Variants in ZCCHC2 observed in about 807,000 individuals in gnomAD.
ZCCHC2 encodes zinc finger CCHC-type containing 2.
ZCCHC2 carries 39 observed loss-of-function variants against 103.6 expected under a neutral mutation model. The observed-to-expected ratio is 0.38, with a 90% CI of 0.29 to 0.49. The LOEUF (loss-of-function observed/expected upper bound fraction) is 0.49. Ranked by LOEUF, ZCCHC2 falls within the 20% of genes least tolerant of loss-of-function variation. The pLI is 0.96. For synonymous variants in ZCCHC2, 687 were observed against 608.9 expected, an observed-to-expected ratio of 1.13 and a Z score of -1.89; for missense variants, 1,483 against 1,491.0, an observed-to-expected ratio of 0.99 and a Z score of 0.09.
intron 4 of ZCCHC2, 100 bp from the exon 5 acceptor site, chr18:62,550,248 G>C: frequency 1.2e-6 from 1 of 854,270 alleles, no homozygotes; most frequent in Middle Eastern, 2.5e-4. Flanking sequence ...GGAAAATAAT[G>C]AGCAGGAGGC....
In ZCCHC2 at chr18:62,529,573, A is replaced by G. The variant is rs144211708; in HGVS notation, c.939+5210A>G. Among the ~76,000 whole-genome samples, 793 of 152,328 alleles carry G rather than the reference A, an allele frequency of 5.2e-3. 35 individuals are homozygous for G. The highest frequency in any genetic ancestry group is 0.047 in the Admixed American group (721 of 15,296). Reference sequence around the variant, plus strand: ...AAGAATAAAAGCAGTTCAGTTATAAAAGCCATTTGGAAGAGACTTTTTAGA... The same window carrying G: ...AAGAATAAAAGCAGTTCAGTTATAAGAGCCATTTGGAAGAGACTTTTTAGA... On this transcript the variant is annotated intron_variant, in intron 1 of 13. Coordinates refer to ENST00000269499, the MANE Select transcript of ZCCHC2 (RefSeq NM_017742.6).
At chr18:62,539,820 G>A in intron 2 of ZCCHC2, 28 bp downstream of exon 2, 1 of 1,527,106 alleles carries the variant, frequency 6.5e-7, no homozygotes, top group Non-Finnish European at 9.0e-7. Context: ...TAAACTTAAA[G>A]CATTAATACA....
At chr18:62,544,061 G>A (rs1279722559) in intron 3 of ZCCHC2, among the ~76,000 whole-genome samples, 1 of 152,178 alleles carries the variant, frequency 6.6e-6, no homozygotes, top group African/African-American at 2.4e-5. Flanking sequence ...CTAGACAGTA[G>A]CATAGTGCAA....
chr18:62,524,524 C>T (rs984445395), intron 1 of ZCCHC2, 161 bp downstream of exon 1: 8 of 1,186,522 alleles, frequency 6.7e-6, no homozygotes, highest in Non-Finnish European at 8.9e-6. Flanking sequence ...AGCTTCGTCT[C>T]GCTGGGCCGC....
chr18:62,531,148 G>A (rs143736747), intron 1 of ZCCHC2, among the ~76,000 whole-genome samples: 1 of 152,072 alleles, frequency 6.6e-6, no homozygotes, highest in East Asian at 1.9e-4. Context: ...TCGTTATGGA[G>A]GACTGTGTGT....
intron 11 of ZCCHC2, among the ~76,000 whole-genome samples, chr18:62,567,500 C>T (rs1916416532): frequency 6.6e-6 from 1 of 152,218 alleles, no homozygotes; most frequent in South Asian, 2.1e-4. Context: ...ACAAAGATCG[C>T]TCCCAGCCCT....
downstream of ZCCHC2, among the ~76,000 whole-genome samples, chr18:62,582,181 T>G (rs1194822619): frequency 6.6e-6 from 1 of 152,060 alleles, no homozygotes; most frequent in Non-Finnish European, 1.5e-5. Flanking sequence ...ACATTGACAG[T>G]GGTATTTGAG....
intron 8 of ZCCHC2, among the ~76,000 whole-genome samples, chr18:62,561,978 T>G (rs982005687): frequency 4.6e-5 from 7 of 152,136 alleles, no homozygotes; most frequent in African/African-American, 1.7e-4. Flanking sequence ...TTTTTCACCA[T>G]GTCCCGTGGT....
At chr18:62,576,441 A>G (rs775842228) in intron 13 of ZCCHC2, 71 bp from the exon 14 acceptor site, 2 of 1,361,276 alleles carry the variant, frequency 1.5e-6, no homozygotes, top group Non-Finnish European at 2.1e-6. Context: ...CCCGTGTGAT[A>G]GCTTGTACGT....
chr18:62,542,135 C>T (rs1403640866), intron 2 of ZCCHC2, among the ~76,000 whole-genome samples: 3 of 151,862 alleles, frequency 2.0e-5, no homozygotes, highest in East Asian at 3.8e-4. Context: ...ATTAAAATGC[C>T]GTATTTGTGG....
chr18:62,541,497 C>A (rs757355050), intron 2 of ZCCHC2, among the ~76,000 whole-genome samples: 2 of 152,110 alleles, frequency 1.3e-5, no homozygotes, highest in Non-Finnish European at 2.9e-5. Flanking sequence ...TCCTCTAAGG[C>A]AAAATGAATG....
intron 2 of ZCCHC2, among the ~76,000 whole-genome samples, 156 bp from the exon 3 acceptor site, chr18:62,542,339 GTCT>G (rs936610210): frequency 1.8e-4 from 28 of 151,904 alleles, no homozygotes; most frequent in African/African-American, 4.8e-4. Flanking sequence ...TAGTTTTTTT[GTCT>G]TCTTTTTTTT....
rs771531047 is a variant in ZCCHC2, at chr18:62,550,430, G to A, written c.1283G>A (p.Arg428Gln). 2.0e-5 allele frequency: 32 copies of A among 1,613,496 alleles called. No individual in the cohort carries two copies. Among genetic ancestry groups the A allele is most frequent in the East Asian group, 2.2e-5 (1 of 44,880 alleles). ...CAGGGTTCCTTGAAAAGGGAGGAAC[G>A]GCGACATCCTGACCTAGAGCCCATC... ...LNQGSLKREE[R>Q]RHPDLEPILR... The change falls in exon 5 of 14, where the codon CGG becomes CAG. Residue 428 changes from arginine (R) to glutamine (Q), a missense_variant. By Grantham distance (43) the Arg-to-Gln change is conservative. Transcript: ENST00000269499.
At chr18:62,530,787 A>C (rs951361199) in intron 1 of ZCCHC2, among the ~76,000 whole-genome samples, 2 of 152,212 alleles carry the variant, frequency 1.3e-5, no homozygotes, top group Admixed American at 1.3e-4. Context: ...ATGGGAATGG[A>C]GAAAGTGCAT....
chr18:62,530,397 G>A (rs1377202554), intron 1 of ZCCHC2, among the ~76,000 whole-genome samples: 1 of 152,104 alleles, frequency 6.6e-6, no homozygotes, highest in African/African-American at 2.4e-5. Context: ...GGTGATGATT[G>A]TATTAATAAG....
Position 62,558,702 on chromosome 18 carries a change from C to T in ZCCHC2, c.1424C>T (p.Ser475Phe), listed in dbSNP as rs892899746. ...SLHSINNLQS[S>F]LKTSKILEHL... Reference sequence around the variant, plus strand: ...CTTCCTGCAGATAACTTACAATCCTCTCTGAAGACTTCTAAGATATTAGAA... The same window carrying T: ...CTTCCTGCAGATAACTTACAATCCTTTCTGAAGACTTCTAAGATATTAGAA... Residue 475 changes from serine to phenylalanine, a missense_variant, in exon 7 of 14, where the codon TCT becomes TTT. Physicochemically the swap from Ser to Phe is radical, Grantham distance 155 (BLOSUM62 -2). Around this residue, in one of 3 missense-constraint regions of ZCCHC2, gnomAD observed 884 missense variants for 907.5 expected, o/e 0.97. Transcript: ENST00000269499. 77 of 1,535,274 alleles carry T rather than the reference C, an allele frequency of 5.0e-5. No homozygotes were observed. Among genetic ancestry groups the T allele is most frequent in the Non-Finnish European group, 6.6e-5 (75 of 1,140,316 alleles).
chr18:62,532,148 T>C (rs562390774), intron 1 of ZCCHC2, among the ~76,000 whole-genome samples: 8 of 152,354 alleles, frequency 5.3e-5, no homozygotes, highest in African/African-American at 1.9e-4. Context: ...TGCGCCCTTA[T>C]GGTGTATATC....
intron 1 of ZCCHC2, among the ~76,000 whole-genome samples, chr18:62,529,235 C>G (rs2145485511): frequency 6.6e-6 from 1 of 151,036 alleles, no homozygotes; most frequent in South Asian, 2.1e-4. Flanking sequence ...TTAATAAATA[C>G]CTTTATTTAA....
intron 8 of ZCCHC2, among the ~76,000 whole-genome samples, 168 bp from the exon 9 acceptor site, chr18:62,562,841 G>A (rs1916183724): frequency 6.6e-6 from 1 of 152,188 alleles, no homozygotes; most frequent in African/African-American, 2.4e-5. Flanking sequence ...AAATAGATGT[G>A]TAGTGGTTTA....
Sources: gnomAD v4.1 joint callset for allele counts (sites outside exome capture counted in the v4.1 genomes callset) on GRCh38, gnomAD v4.1.1 for gene constraint, gnomAD v4.1.1 regional missense constraint, MANE v1.5 for transcripts, NCBI Gene and HGNC (gene_info 2026-07-23, HGNC 2026-07-21) for gene names.